CPNE8: variants seen among roughly 807,000 people sequenced by gnomAD.
The protein encoded by CPNE8 is copine-8.
A neutral mutation model predicts 81.5 loss-of-function variants in CPNE8; 45 were observed. That is an observed-to-expected ratio of 0.55 (90% confidence interval 0.44 to 0.71). The LOEUF is 0.71. Among genes scored for constraint, CPNE8 ranks in the 30% least tolerant of loss-of-function variants. CPNE8 has a pLI of 0.00. For missense variants in CPNE8, 594 were observed against 672.1 expected (o/e 0.88, Z 1.28); for synonymous variants, 252 against 226.3 (o/e 1.11, Z -1.02).
At chr12:38,872,383 C>T (rs1944006621) in intron 3 of CPNE8, among the ~76,000 whole-genome samples, 1 of 152,190 alleles carries the variant, frequency 6.6e-6, no homozygotes, top group Non-Finnish European at 1.5e-5. Context: ...ACTGTAACCT[C>T]ATTAAAACAA....
intron 18 of CPNE8, among the ~76,000 whole-genome samples, chr12:38,673,370 T>C (rs1178453053): frequency 6.6e-6 from 1 of 152,144 alleles, no homozygotes; most frequent in South Asian, 2.1e-4. Flanking sequence ...ATATGTGTGA[T>C]ATATACACTT....
At chr12:38,807,397 A>T (rs1039040543) in intron 6 of CPNE8, among the ~76,000 whole-genome samples, 2 of 151,542 alleles carry the variant, frequency 1.3e-5, no homozygotes, top group Admixed American at 1.3e-4. Context: ...CTAGTACCAA[A>T]ACAGAGATAT....
chr12:38,758,914 A>G (rs1941519834), intron 10 of CPNE8, among the ~76,000 whole-genome samples: 1 of 152,170 alleles, frequency 6.6e-6, no homozygotes, highest in Non-Finnish European at 1.5e-5. Flanking sequence ...AATATCTATA[A>G]TTTCAGCAAA....
Position 38,766,601 on chromosome 12 carries a change from G to T in CPNE8, c.575+1034C>A, listed in dbSNP as rs139154406. ...TTTTAAACTGGCCAGTGCATTCACT[G>T]TGAATAGCAAACTGTCTATATTATG... On this transcript the variant is annotated intron_variant, in intron 8 of 19. Coordinates refer to ENST00000331366, the MANE Select transcript of CPNE8 (RefSeq NM_153634.3). Among the ~76,000 whole-genome samples, 757 of 152,176 alleles carry T rather than the reference G, an allele frequency of 5.0e-3. 5 individuals carry two copies. Among genetic ancestry groups the T allele is most frequent in the African/African-American group, 0.017 (707 of 41,520 alleles).
At chr12:38,783,661 C>T (rs890059708) in intron 6 of CPNE8, among the ~76,000 whole-genome samples, 2 of 152,066 alleles carry the variant, frequency 1.3e-5, no homozygotes, top group African/African-American at 2.4e-5. Context: ...TCAGGTGGCT[C>T]AGAACAAAGA....
At chr12:38,897,143 AT>A (rs1944399313) in intron 1 of CPNE8, among the ~76,000 whole-genome samples, 1 of 152,108 alleles carries the variant, frequency 6.6e-6, no homozygotes, top group African/African-American at 2.4e-5. Flanking sequence ...TTCTAATTCC[AT>A]TTTCTTGCTG....
At position 38,670,811 on chromosome 12, in the gene CPNE8, GA is replaced by G. The variant is rs1350320911; in HGVS notation, c.1433-10del. On this transcript the variant is annotated splice_polypyrimidine_tract_variant and intron_variant, in intron 18 of 19. Transcript: ENST00000331366. ...ATCCAATTCGACCATTGCTTTAAGA[GA>G]AAATATGATCATTTATTCAGTACAT... 3 of 1,591,810 alleles carry G rather than the reference GA, an allele frequency of 1.9e-6. No individual in the cohort carries two copies. Among genetic ancestry groups the G allele is most frequent in the African/African-American group, 2.7e-5 (2 of 74,338 alleles).
chr12:38,882,086 AC>A (rs1186823331), intron 1 of CPNE8, among the ~76,000 whole-genome samples: 2 of 152,216 alleles, frequency 1.3e-5, no homozygotes, highest in African/African-American at 4.8e-5. Context: ...AATCCCTGGA[AC>A]CTGTAAATGT....
At chr12:38,900,216 G>A (rs1565668777) in intron 1 of CPNE8, among the ~76,000 whole-genome samples, 1 of 152,058 alleles carries the variant, frequency 6.6e-6, no homozygotes, top group Admixed American at 6.6e-5. Context: ...ACTAGAGTTA[G>A]AGTCACTTAC....
chr12:38,837,966 T>C (rs1191837616), intron 5 of CPNE8, among the ~76,000 whole-genome samples: 1 of 152,126 alleles, frequency 6.6e-6, no homozygotes, highest in African/African-American at 2.4e-5. Flanking sequence ...GGAGTATCTC[T>C]TATATAATAA....
intron 6 of CPNE8, among the ~76,000 whole-genome samples, chr12:38,802,937 G>A (rs1474383394): frequency 6.8e-6 from 1 of 148,048 alleles, no homozygotes; most frequent in Non-Finnish European, 1.5e-5. Context: ...GACACATACA[G>A]TCTCCCAAGA....
intron 1 of CPNE8, among the ~76,000 whole-genome samples, chr12:38,889,314 GGAA>G (rs1478175937): frequency 6.6e-6 from 1 of 152,180 alleles, no homozygotes; most frequent in Non-Finnish European, 1.5e-5. Flanking sequence ...TGAAGGATCA[GGAA>G]AAGTCTTCAT....
intron 6 of CPNE8, among the ~76,000 whole-genome samples, chr12:38,793,663 T>C (rs1337526754): frequency 1.3e-5 from 2 of 151,986 alleles, no homozygotes; most frequent in Non-Finnish European, 2.9e-5. Context: ...ACAGATTTTA[T>C]GTAATTCCTA....
intron 16 of CPNE8, 70 bp from the exon 17 acceptor site, chr12:38,677,624 G>A: frequency 2.4e-6 from 2 of 835,710 alleles, no homozygotes; most frequent in East Asian, 2.5e-5. Context: ...AATACAATTT[G>A]GAATAGTTAA....
intron 6 of CPNE8, among the ~76,000 whole-genome samples, chr12:38,786,456 C>T (rs994748844): frequency 6.6e-6 from 1 of 152,168 alleles, no homozygotes; most frequent in African/African-American, 2.4e-5. Flanking sequence ...TCCCAGCCTA[C>T]ATCTTTCTCT....
chr12:38,670,751 T>G lies in CPNE8; in HGVS notation c.1484A>C (p.Tyr495Ser). 6.2e-7 allele frequency: 1 copy of G among 1,608,888 alleles called. No homozygotes were observed. Among genetic ancestry groups the G allele is most frequent in the Non-Finnish European group, 8.5e-7 (1 of 1,176,890 alleles). The change falls in exon 19 of 20, where the codon TAT becomes TCT. Residue 495 changes from tyrosine (Y) to serine (S), a missense_variant. Transcript: ENST00000331366. ...TACCTGCACAATGTCTCTTTCAGCA[T>G]ATTTTCCTCTAGAGGAGACTCTTAC... ...DDVRVSSRGK[Y>S]AERDIVQFVP...
chr12:38,895,616 C>G (rs1944378693), intron 1 of CPNE8, among the ~76,000 whole-genome samples: 1 of 152,082 alleles, frequency 6.6e-6, no homozygotes, highest in South Asian at 2.1e-4. Context: ...ATGAATTGCT[C>G]TACTCAAAGC....
At chr12:38,903,233 T>C (rs1400646791) in intron 1 of CPNE8, among the ~76,000 whole-genome samples, 3 of 152,222 alleles carry the variant, frequency 2.0e-5, no homozygotes, top group Non-Finnish European at 4.4e-5. Context: ...TTATCGTAAA[T>C]AGTAAGCTGA....
intron 18 of CPNE8, among the ~76,000 whole-genome samples, chr12:38,673,056 G>A (rs961509971): frequency 6.6e-6 from 1 of 152,128 alleles, no homozygotes; most frequent in African/African-American, 2.4e-5. Context: ...GAAGTGACTG[G>A]ATTATGGGGG....
Sources: allele counts gnomAD v4.1 joint callset (sites outside exome capture counted in the v4.1 genomes callset), GRCh38; gene constraint gnomAD v4.1.1; transcripts MANE v1.5; gene names NCBI Gene and HGNC (gene_info 2026-07-23, HGNC 2026-07-21).